PTPRT: variants seen among roughly 807,000 people sequenced by gnomAD.
PTPRT encodes the protein receptor-type tyrosine-protein phosphatase T.
Under a neutral mutation model 176.8 loss-of-function variants are expected in PTPRT, and 56 were observed. The observed-to-expected ratio is 0.32, with a 90% CI of 0.26 to 0.40. PTPRT has a LOEUF of 0.40. Ranked by LOEUF, PTPRT falls within the 10% of genes least tolerant of loss-of-function variation. The pLI, the probability that PTPRT is intolerant of heterozygous loss-of-function variation, is 1.00. For missense variants in PTPRT, 1,540 were observed against 1,908.2 expected (o/e 0.81, Z 3.60); for synonymous variants, 783 against 739.0 (o/e 1.06, Z -0.96).
chr20:43,086,176 T>G (rs936329317), intron 1 of PTPRT, among the ~76,000 whole-genome samples: 2 of 152,166 alleles, frequency 1.3e-5, no homozygotes, highest in Non-Finnish European at 2.9e-5. Flanking sequence ...CCAAACTTCT[T>G]GCCTCTGTCT....
In PTPRT at chr20:42,334,185, G is replaced by A. The variant is rs904902365; in HGVS notation, c.1865+16443C>T. Among the ~76,000 whole-genome samples, 4 of 152,218 alleles carry A rather than the reference G, an allele frequency of 2.6e-5. No homozygotes were observed. In the East Asian group the frequency reaches 7.7e-4, roughly 29 times the overall value. On this transcript the variant is annotated intron_variant, in intron 11 of 30. Coordinates refer to ENST00000373187, the MANE Select transcript of PTPRT (RefSeq NM_007050.6). Reference sequence around the variant, plus strand: ...AGAGTTTCTCAATCTTGGCACTACTGACATTTTGGGCTGGATAAGTCTTCG... The same window carrying A: ...AGAGTTTCTCAATCTTGGCACTACTAACATTTTGGGCTGGATAAGTCTTCG...
intron 1 of PTPRT, among the ~76,000 whole-genome samples, chr20:43,134,980 C>T (rs1217355620): frequency 6.6e-6 from 1 of 152,220 alleles, no homozygotes; most frequent in Admixed American, 6.5e-5. Context: ...GTAGCACCCA[C>T]CGCCACCATT....
At chr20:42,582,530 G>A (rs567038239) in intron 7 of PTPRT, among the ~76,000 whole-genome samples, 1 of 152,274 alleles carries the variant, frequency 6.6e-6, no homozygotes, top group African/African-American at 2.4e-5. Flanking sequence ...TAGCCTAGGG[G>A]CCACTATCCC....
rs75174344 is a variant in PTPRT at position 42,967,725 on chromosome 20, T to C, written c.89-81793A>G. Among the ~76,000 whole-genome samples, 994 of 124,860 alleles carry C rather than the reference T, an allele frequency of 8.0e-3. 11 individuals are homozygous for C. The highest frequency in any genetic ancestry group is 0.029 in the African/African-American group (951 of 32,734). The allele number at this position is 124,860 out of a possible 152,430, so 81.9% of individuals were successfully genotyped here. Reference sequence around the variant, plus strand: ...GCATTTGTATTCCCCCACCCCCACATGCTGCCTCCTTCCCTCCTAGGCTGT... The same window carrying C: ...GCATTTGTATTCCCCCACCCCCACACGCTGCCTCCTTCCCTCCTAGGCTGT... On this transcript the variant is annotated intron_variant, in intron 1 of 30. Coordinates refer to ENST00000373187, the MANE Select transcript of PTPRT (RefSeq NM_007050.6).
chr20:42,377,407 C>G (rs559345860), intron 9 of PTPRT, among the ~76,000 whole-genome samples: 1 of 152,300 alleles, frequency 6.6e-6, no homozygotes, highest in Non-Finnish European at 1.5e-5. Context: ...TGATTGCACT[C>G]CCCCAACACA....
intron 2 of PTPRT, among the ~76,000 whole-genome samples, chr20:42,875,014 A>G (rs2078907376): frequency 6.6e-6 from 1 of 152,178 alleles, no homozygotes; most frequent in Non-Finnish European, 1.5e-5. Context: ...CGTCAAATGC[A>G]GCAGTGTTTG....
intron 16 of PTPRT, among the ~76,000 whole-genome samples, chr20:42,167,888 T>C (rs950515062): frequency 6.6e-6 from 1 of 152,046 alleles, no homozygotes; most frequent in African/African-American, 2.4e-5. Flanking sequence ...CTCTGTGGAG[T>C]TGAAAATCCA....
chr20:42,908,874 C>T (rs206665), intron 1 of PTPRT, among the ~76,000 whole-genome samples: 13,107 of 152,212 alleles, frequency 0.086, 1,662 homozygotes, highest in African/African-American at 0.28. Flanking sequence ...CAAGGAAATA[C>T]AGGATGGTGC....
intron 15 of PTPRT, among the ~76,000 whole-genome samples, chr20:42,217,937 G>A (rs2146773805): frequency 6.6e-6 from 1 of 152,236 alleles, no homozygotes; most frequent in East Asian, 1.9e-4. Context: ...TATTTCTTTT[G>A]TTTTATAGGT....
intron 2 of PTPRT, among the ~76,000 whole-genome samples, chr20:42,848,763 G>A (rs951096875): frequency 1.3e-4 from 20 of 152,090 alleles, no homozygotes; most frequent in African/African-American, 4.8e-4. Flanking sequence ...TTTGTGGACT[G>A]TCTGTTTATT....
At chr20:42,188,505 GAATATTA>G (rs1438436123) in intron 16 of PTPRT, among the ~76,000 whole-genome samples, 1 of 152,052 alleles carries the variant, frequency 6.6e-6, no homozygotes, top group African/African-American at 2.4e-5. Flanking sequence ...GCATTGTTGA[GAATATTA>G]AATGAAATGA....
At chr20:43,147,330 C>T (rs1363955148) in intron 1 of PTPRT, among the ~76,000 whole-genome samples, 1 of 152,108 alleles carries the variant, frequency 6.6e-6, no homozygotes, top group African/African-American at 2.4e-5. Context: ...AACAGTACTC[C>T]CCTCATAAAA....
intron 7 of PTPRT, among the ~76,000 whole-genome samples, chr20:42,659,000 T>A (rs1381236264): frequency 2.0e-5 from 3 of 152,214 alleles, no homozygotes; most frequent in Admixed American, 1.3e-4. Context: ...CTCAAAATTT[T>A]GTATAATCTC....
intron 1 of PTPRT, among the ~76,000 whole-genome samples, chr20:42,933,178 CCAAG>C (rs1979972354): frequency 6.6e-6 from 1 of 152,190 alleles, no homozygotes; most frequent in Non-Finnish European, 1.5e-5. Context: ...TCCAGCCTGG[CCAAG>C]CTAATTCATA....
intron 7 of PTPRT, among the ~76,000 whole-genome samples, chr20:42,622,982 G>A (rs766650197): frequency 1.3e-5 from 2 of 152,112 alleles, no homozygotes; most frequent in South Asian, 2.1e-4. Context: ...TGAACCCCAG[G>A]CTCCAGAAAG....
chr20:42,551,961 C>T (rs2072778537), intron 7 of PTPRT, among the ~76,000 whole-genome samples: 1 of 152,164 alleles, frequency 6.6e-6, no homozygotes. Flanking sequence ...ACCACCTATA[C>T]ATGAAGGGGA....
chr20:42,068,859 C>T (rs6016675), downstream of PTPRT, among the ~76,000 whole-genome samples: 2,082 of 152,290 alleles, frequency 0.014, 43 homozygotes, highest in African/African-American at 0.047. Context: ...CATTATAACC[C>T]GGAGCAGGGG....
intron 7 of PTPRT, among the ~76,000 whole-genome samples, chr20:42,575,036 C>G (rs933193971): frequency 3.3e-5 from 5 of 152,136 alleles, no homozygotes; most frequent in Admixed American, 2.0e-4. Flanking sequence ...TTATAAATTA[C>G]CCTGTCTCTG....
At chr20:42,250,726 C>A (rs949846607) in intron 13 of PTPRT, among the ~76,000 whole-genome samples, 1 of 152,186 alleles carries the variant, frequency 6.6e-6, no homozygotes, top group Non-Finnish European at 1.5e-5. Flanking sequence ...CAGTTGTGGA[C>A]TTTATTTATC....
Sources: gnomAD v4.1 joint callset for allele counts (sites outside exome capture counted in the v4.1 genomes callset) on GRCh38, gnomAD v4.1.1 for gene constraint, MANE v1.5 for transcripts, NCBI Gene and HGNC (gene_info 2026-07-23, HGNC 2026-07-21) for gene names.